Variants in TTC29 observed in about 807,000 individuals in gnomAD.
TTC29 encodes the protein tetratricopeptide repeat protein 29.
In TTC29, 49 loss-of-function variants were observed where a neutral mutation model predicts 58.1. The ratio of observed to expected loss-of-function variants is 0.84; its 90% CI spans 0.67 to 1.07. TTC29 has a LOEUF of 1.07. Ranked by LOEUF, TTC29 falls within the 50% of genes least tolerant of loss-of-function variation. TTC29 has a pLI of 0.00. For missense variants in TTC29, 582 were observed against 555.6 expected, an observed-to-expected ratio of 1.05 and a Z score of -0.48; for synonymous variants, 209 against 196.8, an observed-to-expected ratio of 1.06 and a Z score of -0.52.
intron 8 of TTC29, among the ~76,000 whole-genome samples, chr4:146,843,245 A>C (rs1478184336): frequency 6.6e-6 from 1 of 152,170 alleles, no homozygotes; most frequent in Admixed American, 6.6e-5. Flanking sequence ...TAATAAAAAC[A>C]CTAATTCTTT....
chr4:146,937,474 AT>A, intron 4 of TTC29, 119 bp downstream of exon 4: 1 of 676,180 alleles, frequency 1.5e-6, no homozygotes, highest in Non-Finnish European at 2.5e-6. Flanking sequence ...ATGAGCTTTA[AT>A]TTTTAAATGC....
chr4:146,904,878 A>AAC (rs1733417511), intron 5 of TTC29, among the ~76,000 whole-genome samples: 1 of 152,216 alleles, frequency 6.6e-6, no homozygotes, highest in East Asian at 1.9e-4. Flanking sequence ...ATTCTGCAGA[A>AAC]CCGTAAGTAA....
intron 6 of TTC29, among the ~76,000 whole-genome samples, chr4:146,886,725 A>C (rs562579879): frequency 1.3e-5 from 2 of 152,256 alleles, no homozygotes; most frequent in East Asian, 3.9e-4. Flanking sequence ...AAGAACAAAA[A>C]ACTCAGAAGG....
intron 9 of TTC29, among the ~76,000 whole-genome samples, chr4:146,825,646 C>A (rs1727739741): frequency 1.3e-5 from 2 of 152,152 alleles, no homozygotes; most frequent in African/African-American, 4.8e-5. Flanking sequence ...AGTTCAAGTC[C>A]TGAATATTCT....
At chr4:146,893,320 T>A (rs1487537973) in intron 6 of TTC29, among the ~76,000 whole-genome samples, 3 of 152,120 alleles carry the variant, frequency 2.0e-5, no homozygotes, top group African/African-American at 7.2e-5. Context: ...ATGGTACTGG[T>A]ACCAAAACAG....
intron 6 of TTC29, among the ~76,000 whole-genome samples, chr4:146,877,909 T>C (rs777945907): frequency 1.4e-4 from 21 of 152,004 alleles, no homozygotes; most frequent in Non-Finnish European, 3.1e-4. Flanking sequence ...CAAAATTTGA[T>C]CTATATGGGG....
Position 146,883,286 on chromosome 4 carries a change from G to A in TTC29, c.587-8358C>T, listed in dbSNP as rs147833644. On this transcript the variant is annotated intron_variant, in intron 6 of 12. Transcript: ENST00000325106. ...TCTGAAGTATGGGTAACTATGCCAA[G>A]CTCCAGATGTAGTTGCAACGGGTGC... Among the ~76,000 whole-genome samples the A allele has an allele frequency of 2.6e-5, 4 of 152,170 alleles. No homozygotes were observed. In the East Asian group the frequency reaches 5.8e-4, roughly 22 times the overall value.
At position 146,874,758 on chromosome 4, in the gene TTC29, C is replaced by T; in HGVS notation, c.757G>A (p.Ala253Thr). Reference protein sequence around the residue: ...KMLENKEYKQAIKILIKASEI... With the variant: ...KMLENKEYKQTIKILIKASEI... Reference sequence around the variant, plus strand: ...GAAGCTTTTATTAGAATTTTGATGGCCTGTTTGTATTCTTTATTTTCTAGC... The same window carrying T: ...GAAGCTTTTATTAGAATTTTGATGGTCTGTTTGTATTCTTTATTTTCTAGC... The change falls in exon 7 of 13, where the codon GCC becomes ACC. Residue 253 changes from alanine to threonine, a missense_variant. Physicochemically the swap from Ala to Thr is moderately conservative, Grantham distance 58. Transcript: ENST00000325106. The T allele has an allele frequency of 1.9e-6, 3 of 1,608,586 alleles. No individual in the cohort carries two copies. The highest frequency in any genetic ancestry group is 2.5e-6 in the Non-Finnish European group (3 of 1,177,818).
chr4:146,808,849 TACCATTGACTTTCTTCACAGATTTAG>T (rs1157823247), intron 10 of TTC29, among the ~76,000 whole-genome samples: 8 of 152,212 alleles, frequency 5.3e-5, no homozygotes, highest in African/African-American at 1.7e-4. Context: ...CCCATGAAGC[TACCATTGACTTTCTTCACAGATTTAG>T]AAAAAATTAC....
chr4:146,898,551 A>G (rs886309480), intron 6 of TTC29, among the ~76,000 whole-genome samples: 1 of 152,202 alleles, frequency 6.6e-6, no homozygotes, highest in East Asian at 1.9e-4. Flanking sequence ...ACTCTGTAAT[A>G]AAGTCATACA....
intron 11 of TTC29, among the ~76,000 whole-genome samples, chr4:146,767,320 T>A (rs1350964962): frequency 6.6e-6 from 1 of 151,986 alleles, no homozygotes. Context: ...AGCCATTTTT[T>A]AATGATGTTT....
intron 6 of TTC29, among the ~76,000 whole-genome samples, chr4:146,889,496 G>T (rs1040348876): frequency 3.3e-5 from 5 of 152,042 alleles, no homozygotes; most frequent in Admixed American, 3.3e-4. Flanking sequence ...GGCTGTCCTG[G>T]TTAAGATTTT....
intron 6 of TTC29, among the ~76,000 whole-genome samples, chr4:146,895,583 G>A (rs1732715505): frequency 6.6e-6 from 1 of 152,150 alleles, no homozygotes; most frequent in African/African-American, 2.4e-5. Flanking sequence ...GCTCACAGGA[G>A]CAAGCAGTGA....
chr4:146,856,020 G>T (rs1228890710), intron 8 of TTC29, among the ~76,000 whole-genome samples: 1 of 152,104 alleles, frequency 6.6e-6, no homozygotes, highest in Non-Finnish European at 1.5e-5. Flanking sequence ...GAACTATGCA[G>T]GTTGCTTTAT....
intron 11 of TTC29, among the ~76,000 whole-genome samples, chr4:146,795,617 C>A (rs1749780425): frequency 6.6e-6 from 1 of 151,924 alleles, no homozygotes; most frequent in African/African-American, 2.4e-5. Flanking sequence ...ATTATGGGAC[C>A]ATGAATATAT....
chr4:146,865,687 G>T (rs1730519236), intron 8 of TTC29, among the ~76,000 whole-genome samples: 1 of 152,080 alleles, frequency 6.6e-6, no homozygotes. Context: ...AATACAATGA[G>T]ACTCGTCTAT....
chr4:146,935,607 T>C (rs72960371), intron 4 of TTC29, among the ~76,000 whole-genome samples: 12,764 of 152,162 alleles, frequency 0.084, 703 homozygotes, highest in East Asian at 0.19. Context: ...TTTCTTGACC[T>C]CTAGGCTGCA....
intron 4 of TTC29, among the ~76,000 whole-genome samples, chr4:146,936,672 T>C (rs1735848586): frequency 6.6e-6 from 1 of 152,092 alleles, no homozygotes; most frequent in African/African-American, 2.4e-5. Flanking sequence ...TGTTTTTCCA[T>C]GTTATATGCA....
chr4:146,891,238 C>A (rs577696901), intron 6 of TTC29, among the ~76,000 whole-genome samples: 2 of 152,230 alleles, frequency 1.3e-5, no homozygotes, highest in South Asian at 2.1e-4. Flanking sequence ...AATAAACAAC[C>A]AAAGTTTTTG....
Sources: gnomAD v4.1 joint callset for allele counts (sites outside exome capture counted in the v4.1 genomes callset) on GRCh38, gnomAD v4.1.1 for gene constraint, MANE v1.5 for transcripts, NCBI Gene and HGNC (gene_info 2026-07-23, HGNC 2026-07-21) for gene names.